The following NDUFB4 variants were observed in gnomAD, a reference collection of about 807,000 sequenced individuals.
The protein encoded by NDUFB4 is NADH:ubiquinone oxidoreductase subunit B4, also known as NADH dehydrogenase [ubiquinone] 1 beta subcomplex subunit 4.
NDUFB4 carries 10 observed loss-of-function variants against 14.5 expected under a neutral mutation model. The observed-to-expected ratio is 0.69, with a 90% confidence interval of 0.43 to 1.17. The LOEUF is 1.17. Among genes scored for constraint, NDUFB4 ranks in the 50% most tolerant of loss-of-function variants. The pLI is 0.00. For synonymous variants in NDUFB4, 65 were observed against 63.4 expected (o/e 1.03, Z -0.12); for missense variants, 165 against 161.1 (o/e 1.02, Z -0.13).
intron 1 of NDUFB4, among the ~76,000 whole-genome samples, chr3:120,599,724 T>A (rs766003656): frequency 2.0e-5 from 3 of 152,140 alleles, no homozygotes; most frequent in Non-Finnish European, 4.4e-5. Flanking sequence ...GAAATGTCTG[T>A]TTCTGGAAGA....
In NDUFB4 at chr3:120,602,224, T is replaced by G. The variant is rs149224531; in HGVS notation, c.344T>G (p.Leu115Arg). Residue 115 changes from leucine to arginine, a missense_variant, in exon 3 of 3, where the codon CTT (leucine) becomes CGT (arginine). By Grantham distance (102) the Leu-to-Arg change is moderately radical. Coordinates refer to ENST00000184266, the MANE Select transcript of NDUFB4 (RefSeq NM_004547.6). ...IKTERDRKEK[L>R]IQEGKLDRTF... ...TCTTTACAGGATAGGAAAGAAAAAC[T>G]TATCCAGGAAGGAAAATTGGATCGA... 60 of 1,611,328 alleles carry G rather than the reference T, an allele frequency of 3.7e-5. No individual in the cohort carries two copies. The African/African-American group carries it at 7.2e-4, about 19-fold the overall frequency.
At chr3:120,600,621 G>T (rs1472644963) in intron 1 of NDUFB4, among the ~76,000 whole-genome samples, 1 of 152,128 alleles carries the variant, frequency 6.6e-6, no homozygotes, top group Non-Finnish European at 1.5e-5. Flanking sequence ...CTTATTTGTA[G>T]CCTGGAAAGA....
chr3:120,601,791 T>C (rs1559774162), intron 2 of NDUFB4: 9 of 1,022,090 alleles, frequency 8.8e-6, no homozygotes, highest in Admixed American at 5.5e-5. Context: ...AGCTTTGTCT[T>C]TAACTGGCCC....
intron 1 of NDUFB4, among the ~76,000 whole-genome samples, chr3:120,599,887 A>G (rs144958362): frequency 1.3e-5 from 2 of 152,014 alleles, no homozygotes; most frequent in Non-Finnish European, 2.9e-5. Flanking sequence ...CCTTGGACCT[A>G]ATCTGTGTCT....
chr3:120,600,310 T>G (rs1277367701), intron 1 of NDUFB4, among the ~76,000 whole-genome samples: 4 of 151,976 alleles, frequency 2.6e-5, no homozygotes, highest in Non-Finnish European at 5.9e-5. Flanking sequence ...TGATTTTATT[T>G]GCTTATTTTT....
At chr3:120,597,954 A>T (rs1939993911) in intron 1 of NDUFB4, among the ~76,000 whole-genome samples, 1 of 152,134 alleles carries the variant, frequency 6.6e-6, no homozygotes, top group South Asian at 2.1e-4. Flanking sequence ...CTCATGTGTA[A>T]ATAGAGGTAA....
rs759043758 is a variant in NDUFB4, at chr3:120,596,409, C to A, written c.50C>A (p.Thr17Asn). The A allele has an allele frequency of 6.2e-7, 1 of 1,614,188 alleles. No homozygotes were observed. Among genetic ancestry groups the A allele is most frequent in the Non-Finnish European group, 8.5e-7 (1 of 1,180,032 alleles). Residue 17 changes from threonine (T) to asparagine (N), a missense_variant, in exon 1 of 3, where the codon ACC becomes AAC. Coordinates refer to ENST00000184266, the MANE Select transcript of NDUFB4 (RefSeq NM_004547.6). ...KPSSLRTLPE[T>N]LDPAEYNISP... Reference sequence around the variant, plus strand: ...TCGAGCCTGCGCACTCTGCCTGAGACCCTCGACCCAGCCGAATACAACATA... The same window carrying A: ...TCGAGCCTGCGCACTCTGCCTGAGAACCTCGACCCAGCCGAATACAACATA...
intron 1 of NDUFB4, among the ~76,000 whole-genome samples, chr3:120,597,444 TATG>T (rs1427219584): frequency 6.6e-6 from 1 of 152,050 alleles, no homozygotes; most frequent in East Asian, 1.9e-4. Flanking sequence ...GTAGGTTAAA[TATG>T]ATGTTAACAG....
At position 120,602,085 on chromosome 3, in the gene NDUFB4, A is replaced by T. The variant is rs951571951; in HGVS notation, c.328-123A>T. The stretch of plus-strand genomic sequence containing the variant: ...TTTGGAGTGTTTCATTCTGTTTGTC[A>T]GTTGTACGGTGGGTTGTGCCAAAAT... On this transcript the variant is annotated intron_variant, in intron 2 of 2. Coordinates refer to ENST00000184266, the MANE Select transcript of NDUFB4 (RefSeq NM_004547.6). The T allele has an allele frequency of 2.0e-6, 3 of 1,491,360 alleles. No individual in the cohort carries two copies. In the African/African-American group the frequency reaches 4.3e-5, roughly 21 times the overall value. 92.4% of individuals were successfully genotyped at this position (1,491,360 alleles called of 1,614,324 possible). A position where few individuals can be genotyped will look rare whatever the true frequency, so the allele number is the denominator to read the frequency against.
chr3:120,602,126 T>A, intron 2 of NDUFB4, 82 bp from the exon 3 acceptor site: 1 of 1,550,134 alleles, frequency 6.5e-7, no homozygotes, highest in Non-Finnish European at 8.6e-7. Context: ...TTTTCTTACC[T>A]TTTTTATTTA....
At position 120,599,001 on chromosome 3, in the gene NDUFB4, G is replaced by A. The variant is rs953566583; in HGVS notation, c.181-2110G>A. ...CTTTTGTAGTAATCCAATCTCTGTT[G>A]ATTACCAGGGTGGTGGCAGAAGGCG... On this transcript the variant is annotated intron_variant, in intron 1 of 2. Transcript: ENST00000184266. Among the ~76,000 whole-genome samples, 30 of 152,252 alleles carry A rather than the reference G, an allele frequency of 2.0e-4. 1 individual carries two copies. Among genetic ancestry groups the A allele is most frequent in the African/African-American group, 6.7e-4 (28 of 41,512 alleles).
At chr3:120,598,146 G>C (rs932011477) in intron 1 of NDUFB4, among the ~76,000 whole-genome samples, 1 of 151,026 alleles carries the variant, frequency 6.6e-6, no homozygotes, top group Non-Finnish European at 1.5e-5. Flanking sequence ...TCTGCCTCCC[G>C]GGCTCAAGCT....
intron 2 of NDUFB4, 166 bp downstream of exon 2, chr3:120,601,423 G>A: frequency 1.4e-6 from 2 of 1,453,074 alleles, no homozygotes; most frequent in Non-Finnish European, 1.8e-6. Context: ...TCCAGCAGGA[G>A]TTAAAACAGA....
At chr3:120,596,562 G>A (rs769274567) in intron 1 of NDUFB4, 23 bp downstream of exon 1, 7 of 1,610,414 alleles carry the variant, frequency 4.3e-6, no homozygotes, top group Non-Finnish European at 5.9e-6. Context: ...CCTCCCAGGC[G>A]GGAATAGGGC....
rs1257631516 is a variant in NDUFB4, at chr3:120,601,105, T to A, written c.181-6T>A. 17 of 1,600,098 alleles carry A rather than the reference T, an allele frequency of 1.1e-5. No individual in the cohort carries two copies. Among genetic ancestry groups the A allele is most frequent in the Non-Finnish European group, 1.4e-5 (17 of 1,176,514 alleles). Reference sequence around the variant, plus strand: ...TTCTATAACTTTTTGTTTTCATTAATTTTAGGAAAATCCTGCCTTGCTTCG... The same window carrying A: ...TTCTATAACTTTTTGTTTTCATTAAATTTAGGAAAATCCTGCCTTGCTTCG... On this transcript the variant is annotated splice_region_variant and splice_polypyrimidine_tract_variant and intron_variant, in intron 1 of 2. Transcript: ENST00000184266.
chr3:120,597,024 T>TTATATATATGCATATATATTATATTC, intron 1 of NDUFB4, among the ~76,000 whole-genome samples: 1 of 141,056 alleles, frequency 7.1e-6, no homozygotes, highest in Non-Finnish European at 1.5e-5. Context: ...CATATATATT[T>TTATATATATGCATATATATTATATTC]TATATATATG....
chr3:120,599,063 A>G (rs1222570110), intron 1 of NDUFB4, among the ~76,000 whole-genome samples: 1 of 152,186 alleles, frequency 6.6e-6, no homozygotes, highest in Non-Finnish European at 1.5e-5. Context: ...TTTTAAAAGT[A>G]GAGCCAACCA....
In NDUFB4 at chr3:120,599,717, A is replaced by G. The variant is rs1033681569; in HGVS notation, c.181-1394A>G. ...GCAATTGGTATTTTTATGAAATGAA[A>G]TGTCTGTTTCTGGAAGACAGATCTG... On this transcript the variant is annotated intron_variant, in intron 1 of 2. Coordinates refer to ENST00000184266, the MANE Select transcript of NDUFB4 (RefSeq NM_004547.6). 4.6e-5 allele frequency among the ~76,000 whole-genome samples: 7 copies of G among 152,264 alleles called. No individual in the cohort carries two copies. In the East Asian group the frequency reaches 1.4e-3, roughly 29 times the overall value.
Position 120,602,392 on chromosome 3 carries a change from A to G in NDUFB4, c.*122A>G, listed in dbSNP as rs993104791. The G allele has an allele frequency of 2.9e-5, 26 of 909,304 alleles. No individual in the cohort carries two copies. In the Admixed American group the frequency reaches 5.9e-4, roughly 21 times the overall value. The allele number at this position is 909,304 out of a possible 1,614,324, so 56.3% of individuals were successfully genotyped here. ...GTTAAAAACTATTAACACCCTAACA[A>G]CACAGAAGCAGACGCAGCCCGTGTT... On this transcript the variant is annotated 3_prime_UTR_variant, in exon 3 of 3. Transcript: ENST00000184266.
Sources: allele counts gnomAD v4.1 joint callset (sites outside exome capture counted in the v4.1 genomes callset), GRCh38; gene constraint gnomAD v4.1.1; transcripts MANE v1.5; gene names NCBI Gene and HGNC (gene_info 2026-07-23, HGNC 2026-07-21).